Variants in IP6K2 observed in about 807,000 individuals in gnomAD.
IP6K2 encodes ATP:1D-myo-inositol-hexakisphosphate phosphotransferase.
IP6K2 carries 9 observed loss-of-function variants against 43.3 expected under a neutral mutation model. The ratio of observed to expected loss-of-function variants is 0.21; its 90% CI spans 0.13 to 0.36. The LOEUF (loss-of-function observed/expected upper bound fraction) is 0.36, where lower values mean the gene tolerates loss of function less well. Ranked by LOEUF, IP6K2 falls within the 10% of genes least tolerant of loss-of-function variation. IP6K2 has a pLI of 1.00. For missense variants in IP6K2, 332 were observed against 538.4 expected (o/e 0.62, Z 3.79); for synonymous variants, 209 against 202.4 (o/e 1.03, Z -0.28).
intron 2 of IP6K2, chr3:48,693,688 C>T (rs1269003152): frequency 3.7e-6 from 4 of 1,083,726 alleles, no homozygotes; most frequent in South Asian, 2.7e-5. Context: ...AAGGGGCAAA[C>T]AAAACAAACC....
At chr3:48,711,118 C>T (rs2107056248) in intron 1 of IP6K2, among the ~76,000 whole-genome samples, 1 of 152,208 alleles carries the variant, frequency 6.6e-6, no homozygotes, top group South Asian at 2.1e-4. Flanking sequence ...GCCACGTTGC[C>T]CAGGCTGGTG....
chr3:48,701,567 CAAAAAAAAAAAAAAAAA>C (rs67509214), intron 1 of IP6K2, among the ~76,000 whole-genome samples: 1 of 47,448 alleles, frequency 2.1e-5, no homozygotes, highest in Non-Finnish European at 3.4e-5. Context: ...GACTCCGTCT[CAAAAAAAAAAAAAAAAA>C]AAAAAAAAAA....
chr3:48,688,782 G>A lies in IP6K2; in HGVS notation c.781-9C>T, dbSNP rs1214579191. ...CTGCCTGCTTGGTACACCTGTAGGAGAGAGACCAGCAAGTCAGGGGCTGAG... is the reference window on the plus strand; with the variant it reads ...CTGCCTGCTTGGTACACCTGTAGGAAAGAGACCAGCAAGTCAGGGGCTGAG... On this transcript the variant is annotated splice_polypyrimidine_tract_variant and intron_variant, in intron 5 of 5. Coordinates refer to ENST00000328631, the MANE Select transcript of IP6K2 (RefSeq NM_016291.4). This position sits in a 1 kb window ranked among gnomAD's most constrained non-coding sequence, Gnocchi z 5.1. 1.9e-6 allele frequency: 3 copies of A among 1,593,218 alleles called. No individual in the cohort carries two copies. The African/African-American group carries it at 4.0e-5, about 21-fold the overall frequency.
At chr3:48,714,529 A>C (rs1244940624) in intron 1 of IP6K2, among the ~76,000 whole-genome samples, 1 of 151,636 alleles carries the variant, frequency 6.6e-6, no homozygotes, top group African/African-American at 2.4e-5. Flanking sequence ...AGTAGCTGGG[A>C]TTCCAGGCAC....
chr3:48,709,275 A>C (rs1369082013), intron 1 of IP6K2, among the ~76,000 whole-genome samples: 4 of 152,228 alleles, frequency 2.6e-5, no homozygotes, highest in Non-Finnish European at 5.9e-5. Flanking sequence ...CCAGGCAAGC[A>C]CCTGAGTGCT....
At chr3:48,702,952 AATC>A (rs1446068246) in intron 1 of IP6K2, among the ~76,000 whole-genome samples, 1 of 152,350 alleles carries the variant, frequency 6.6e-6, no homozygotes, top group East Asian at 1.9e-4. Context: ...CACCCACTGC[AATC>A]ATCATCCAAA....
chr3:48,693,422 C>T, intron 2 of IP6K2: 1 of 1,368,108 alleles, frequency 7.3e-7, no homozygotes. Context: ...CTCAACGAGG[C>T]AAGAGCCAAA....
intron 1 of IP6K2, chr3:48,708,023 C>T (rs545702439): frequency 5.3e-5 from 8 of 152,018 alleles, no homozygotes; most frequent in East Asian, 1.9e-4. Context: ...TTCAGTCTAC[C>T]GAGAAATATG....
At chr3:48,694,439 T>G in intron 2 of IP6K2, 1 of 1,548,798 alleles carries the variant, frequency 6.5e-7, no homozygotes. Context: ...TTAAAATTAA[T>G]TTCTTTAATG....
rs779710911 is a variant in IP6K2 at position 48,691,346 on chromosome 3, G to C, written c.565C>G (p.Gln189Glu). ...WSMKCHQQQL[Q>E]RMKENAKHRN... ...TGCTTTGCATTCTCCTTCATTCTCT[G>C]TAACTGTTGCTGGTGACATTTCATG... The change falls in exon 4 of 6, where the codon CAG (glutamine) becomes GAG (glutamate). Residue 189 changes from glutamine (Q) to glutamate (E), a missense_variant. Physicochemically the swap from Gln to Glu is conservative, Grantham distance 29 (BLOSUM62 2). Coordinates refer to ENST00000328631, the MANE Select transcript of IP6K2 (RefSeq NM_016291.4). The C allele has an allele frequency of 6.2e-7, 1 of 1,614,002 alleles. No homozygotes were observed. Among genetic ancestry groups the C allele is most frequent in the South Asian group, 1.1e-5 (1 of 91,066 alleles).
At chr3:48,714,073 G>A (rs1202687566) in intron 1 of IP6K2, among the ~76,000 whole-genome samples, 2 of 150,542 alleles carry the variant, frequency 1.3e-5, no homozygotes, top group African/African-American at 2.4e-5. Context: ...GCTGAGATCT[G>A]GCCACTGCAC....
intron 1 of IP6K2, among the ~76,000 whole-genome samples, chr3:48,714,258 G>A (rs552710422): frequency 3.3e-5 from 5 of 152,272 alleles, no homozygotes; most frequent in Non-Finnish European, 5.9e-5. Context: ...GTAGAGACAG[G>A]GTTTCACCAT....
intron 1 of IP6K2, among the ~76,000 whole-genome samples, chr3:48,701,350 T>C (rs2079009349): frequency 6.6e-6 from 1 of 152,054 alleles, no homozygotes; most frequent in Non-Finnish European, 1.5e-5. Flanking sequence ...GCGGATTGCC[T>C]GAGCTCAGAA....
At chr3:48,712,242 ATTT>A (rs1553651735) in intron 1 of IP6K2, among the ~76,000 whole-genome samples, 4 of 139,562 alleles carry the variant, frequency 2.9e-5, no homozygotes, top group Admixed American at 7.2e-5. Flanking sequence ...CAAAAAAAAA[ATTT>A]TTTTTTTTTT....
intron 1 of IP6K2, chr3:48,716,389 G>A (rs1206766446): frequency 6.6e-6 from 1 of 152,154 alleles, no homozygotes; most frequent in Non-Finnish European, 1.5e-5. Flanking sequence ...TGGTATTTAA[G>A]AGCACTGGAT....
intron 1 of IP6K2, among the ~76,000 whole-genome samples, chr3:48,710,670 C>T (rs1482701704): frequency 2.0e-5 from 3 of 151,812 alleles, no homozygotes; most frequent in South Asian, 2.1e-4. Flanking sequence ...AGTGCAGTGG[C>T]GGGATCTCGG....
At chr3:48,710,734 C>T (rs1037438148) in intron 1 of IP6K2, among the ~76,000 whole-genome samples, 3 of 152,058 alleles carry the variant, frequency 2.0e-5, no homozygotes, top group East Asian at 1.9e-4. Context: ...CTCAGCCTTC[C>T]GAGCAGCTGG....
At chr3:48,697,341 GTT>G (rs111530965) in intron 1 of IP6K2, among the ~76,000 whole-genome samples, 3 of 140,460 alleles carry the variant, frequency 2.1e-5, no homozygotes, top group Non-Finnish European at 1.6e-5. Flanking sequence ...ATTTTGTTTT[GTT>G]TTTTTTTTTA....
chr3:48,690,550 G>A lies in IP6K2; in HGVS notation c.604+757C>T, dbSNP rs184052865. On this transcript the variant is annotated intron_variant, in intron 4 of 5. Transcript: ENST00000328631. ...CATGCCAGTTATCCCAGCACTTTGG[G>A]AGGCCAAAGCAGGTGGATCACCTGA... is the stretch of plus-strand genomic sequence containing the variant. 3.9e-5 allele frequency among the ~76,000 whole-genome samples: 6 copies of A among 152,238 alleles called. No homozygotes were observed. In the East Asian group the frequency reaches 9.7e-4, roughly 25 times the overall value.
Sources: gnomAD v4.1 joint callset for allele counts (sites outside exome capture counted in the v4.1 genomes callset) on GRCh38, gnomAD v4.1.1 for gene constraint, Gnocchi (gnomAD v3.1) non-coding constraint, MANE v1.5 for transcripts, NCBI Gene and HGNC (gene_info 2026-07-23, HGNC 2026-07-21) for gene names.